Variants in EDA observed in about 807,000 individuals in gnomAD.
EDA encodes ectodysplasin A, also known as ectodysplasin-A.
In EDA, 2 loss-of-function variants were observed where a neutral mutation model predicts 23.6. That is an observed-to-expected ratio of 0.08 (90% CI 0.03 to 0.27). The LOEUF (loss-of-function observed/expected upper bound fraction) is 0.27, where lower values mean the gene tolerates loss of function less well. EDA is among the 10% of genes least tolerant of loss of function. The probability of loss-of-function intolerance (pLI) is 1.00; values close to 1 mark genes in which losing one functional copy is unlikely to be tolerated. For missense variants in EDA, 229 were observed against 324.2 expected, an observed-to-expected ratio of 0.71 and a Z score of 2.26; for synonymous variants, 131 against 132.0, an observed-to-expected ratio of 0.99 and a Z score of 0.05.
At chrX:69,813,832 C>A (rs1298548683) in intron 1 of EDA, among the ~76,000 whole-genome samples, 1 of 107,565 alleles carries the variant, frequency 9.3e-6, no homozygotes, top group Non-Finnish European at 1.9e-5. Context: ...AAAAAAAACT[C>A]CAACAAAGAC....
chrX:69,655,768 A>ATATATC (rs1168327619), intron 1 of EDA, among the ~76,000 whole-genome samples: 2 of 85,068 alleles, frequency 2.4e-5, no homozygotes, highest in African/African-American at 5.0e-5. Flanking sequence ...GAATCTATAT[A>ATATATC]TATATATATA....
chrX:69,841,223 G>A (rs1389768535), intron 1 of EDA, among the ~76,000 whole-genome samples: 1 of 111,561 alleles, frequency 9.0e-6, no homozygotes, highest in East Asian at 2.8e-4. Context: ...CAATGCATTA[G>A]CCTTGTTACT....
Position 70,038,471 on chromosome X carries a change from C to T in EDA, c.*2862C>T, listed in dbSNP as rs1759476277. ...ACCAATGCTTGCATGGAGAATGGGA[C>T]GAGGACATTTGTGGGCAAGCAGATG... On this transcript the variant is annotated 3_prime_UTR_variant, in exon 8 of 8. Coordinates refer to ENST00000374552, the MANE Select transcript of EDA (RefSeq NM_001399.5). 1 of 110,369 alleles carries T rather than the reference C, an allele frequency of 9.1e-6. No individual in the cohort carries two copies. Among genetic ancestry groups the T allele is most frequent in the East Asian group, 2.9e-4 (1 of 3,479 alleles). The allele number at this position is 110,369 out of a possible 1,213,427, so 9.1% of individuals were successfully genotyped here.
chrX:69,932,933 C>T (rs1351333836), intron 1 of EDA, among the ~76,000 whole-genome samples: 3 of 108,111 alleles, frequency 2.8e-5, no homozygotes, highest in African/African-American at 1.1e-4. Flanking sequence ...CTTTTTAGTT[C>T]CTCTTCTTTT....
intron 1 of EDA, among the ~76,000 whole-genome samples, chrX:69,633,486 A>G (rs968858477): frequency 8.9e-6 from 1 of 111,777 alleles, no homozygotes; most frequent in African/African-American, 3.2e-5. Context: ...CCCCAAAGAA[A>G]CTGTATCCAT....
chrX:69,722,350 T>C (rs184652630), intron 1 of EDA, among the ~76,000 whole-genome samples: 1 of 109,658 alleles, frequency 9.1e-6, no homozygotes, highest in African/African-American at 3.3e-5. Flanking sequence ...GGACTACAGG[T>C]GCCCACCACC....
chrX:69,748,710 G>A (rs1302992105), intron 1 of EDA, among the ~76,000 whole-genome samples: 1 of 111,386 alleles, frequency 9.0e-6, no homozygotes, highest in African/African-American at 3.3e-5. Context: ...CTTACCCGCA[G>A]CATGGTCTTG....
chrX:69,936,869 C>T (rs1477911909), intron 1 of EDA, among the ~76,000 whole-genome samples: 1 of 112,167 alleles, frequency 8.9e-6, no homozygotes, highest in South Asian at 3.7e-4. Flanking sequence ...GCTTTCTCCA[C>T]TCTGTCACAC....
chrX:69,743,728 G>A (rs956070703), intron 1 of EDA, among the ~76,000 whole-genome samples: 1 of 111,925 alleles, frequency 8.9e-6, no homozygotes, highest in African/African-American at 3.2e-5. Flanking sequence ...AACTCTTAGG[G>A]TAGTTCAACC....
intron 1 of EDA, among the ~76,000 whole-genome samples, chrX:69,765,142 A>T (rs2014432461): frequency 1.8e-5 from 2 of 112,146 alleles, no homozygotes; most frequent in Admixed American, 9.4e-5. Context: ...TCTCAAAAAA[A>T]GTTCTTAAAG....
intron 1 of EDA, among the ~76,000 whole-genome samples, chrX:69,784,414 T>C (rs1397962080): frequency 1.0e-5 from 1 of 97,955 alleles, no homozygotes; most frequent in Non-Finnish European, 2.1e-5. Context: ...CTAGGGTTTT[T>C]ATGGTTTTAG....
chrX:70,020,730 T>TA (rs1257529412), intron 2 of EDA, among the ~76,000 whole-genome samples: 1 of 112,075 alleles, frequency 8.9e-6, no homozygotes, highest in Non-Finnish European at 1.9e-5. Context: ...CCAATCTAAA[T>TA]ATTTATCAAA....
chrX:69,957,435 T>TC, intron 2 of EDA: 1 of 230,324 alleles, frequency 4.3e-6, no homozygotes, highest in Non-Finnish European at 7.6e-6. Flanking sequence ...GCTGAGACTG[T>TC]GCCACTGCAC....
intron 2 of EDA, among the ~76,000 whole-genome samples, chrX:70,020,553 C>T (rs1481399594): frequency 2.3e-5 from 2 of 85,495 alleles, no homozygotes; most frequent in Non-Finnish European, 5.2e-5. Context: ...AGCGAGACTC[C>T]GTCTCAAAAA....
rs747707027 is a variant in EDA, at chrX:70,012,125, T to C, written c.503-11093T>C. ...AGCAGTCCCCCGTACTGCATAGCTA[T>C]ATGTCCCCCTCTGATGCAGGTGGGT... On this transcript the variant is annotated intron_variant, in intron 2 of 7. Coordinates refer to ENST00000374552, the MANE Select transcript of EDA (RefSeq NM_001399.5). 4.5e-5 allele frequency among the ~76,000 whole-genome samples: 5 copies of C among 111,809 alleles called. No homozygotes were observed. In the East Asian group the frequency reaches 1.4e-3, roughly 31 times the overall value.
At chrX:69,662,177 A>G (rs770971740) in intron 1 of EDA, among the ~76,000 whole-genome samples, 1 of 111,433 alleles carries the variant, frequency 9.0e-6, no homozygotes, top group Non-Finnish European at 1.9e-5. Context: ...CTCTATCTTC[A>G]TATGTTTGAA....
intron 1 of EDA, among the ~76,000 whole-genome samples, chrX:69,906,689 C>T (rs1455589068): frequency 9.0e-6 from 1 of 111,222 alleles, no homozygotes; most frequent in African/African-American, 3.3e-5. Flanking sequence ...CAATCATCAG[C>T]GCAAATTGAC....
chrX:70,025,454 AGG>A (rs2020094810), intron 3 of EDA, among the ~76,000 whole-genome samples: 1 of 111,260 alleles, frequency 9.0e-6, no homozygotes, highest in Non-Finnish European at 1.9e-5. Flanking sequence ...CCTGACTGCA[AGG>A]GGTAAGCCAC....
intron 1 of EDA, among the ~76,000 whole-genome samples, chrX:69,704,745 A>G (rs1445010718): frequency 9.0e-6 from 1 of 111,416 alleles, no homozygotes; most frequent in Admixed American, 9.6e-5. Flanking sequence ...TGAAATTTTG[A>G]CAAGTTCACT....
Sources: gnomAD v4.1 joint callset for allele counts (sites outside exome capture counted in the v4.1 genomes callset) on GRCh38, gnomAD v4.1.1 for gene constraint, MANE v1.5 for transcripts, NCBI Gene and HGNC (gene_info 2026-07-23, HGNC 2026-07-21) for gene names.